Variants in MYH8 observed in about 807,000 individuals in gnomAD.
MYH8 encodes the protein myosin-8.
In MYH8, 168 loss-of-function variants were observed where a neutral mutation model predicts 233.2. That is an observed-to-expected ratio of 0.72 (90% CI 0.64 to 0.82). MYH8 has a LOEUF of 0.82. MYH8 is among the 40% of genes least tolerant of loss of function. MYH8 has a pLI of 0.00. For synonymous variants in MYH8, 785 were observed against 850.6 expected, an observed-to-expected ratio of 0.92 and a Z score of 1.34; for missense variants, 1,995 against 2,327.8, an observed-to-expected ratio of 0.86 and a Z score of 2.94.
intron 22 of MYH8, among the ~76,000 whole-genome samples, chr17:10,404,110 G>A (rs1241933574): frequency 2.0e-5 from 3 of 152,130 alleles, no homozygotes; most frequent in Admixed American, 1.3e-4. Context: ...GTTAAATTTT[G>A]TGATATTATT....
rs576569909 is a variant in MYH8, at chr17:10,413,789, T to C, written c.1147+113A>G. On this transcript the variant is annotated intron_variant, in intron 12 of 39. Coordinates refer to ENST00000403437, the MANE Select transcript of MYH8 (RefSeq NM_002472.3). Reference sequence around the variant, plus strand: ...AAAGCATGCAGTGTGTGTAAATGTGTATATGCCCTTCACAAGTCGCAAGTC... The same window carrying C: ...AAAGCATGCAGTGTGTGTAAATGTGCATATGCCCTTCACAAGTCGCAAGTC... The C allele has an allele frequency of 8.9e-5, 129 of 1,448,304 alleles. No individual in the cohort carries two copies. The African/African-American group carries it at 1.7e-3, about 19-fold the overall frequency. 89.7% of individuals were successfully genotyped at this position (1,448,304 alleles called of 1,614,324 possible).
intron 39 of MYH8, among the ~76,000 whole-genome samples, chr17:10,391,158 A>C (rs1377412338): frequency 3.3e-5 from 5 of 152,246 alleles, no homozygotes; most frequent in African/African-American, 1.2e-4. Context: ...AGCTACAGCA[A>C]ATGTGGGGGC....
chr17:10,395,520 G>C (rs1448608170), intron 33 of MYH8, 79 bp from the exon 34 acceptor site: 1 of 1,391,694 alleles, frequency 7.2e-7, no homozygotes, highest in Non-Finnish European at 1.0e-6. Context: ...CCAAACTCTT[G>C]TCAATATCAG....
chr17:10,401,232 T>G, intron 24 of MYH8, 41 bp from the exon 25 acceptor site: 1 of 1,613,550 alleles, frequency 6.2e-7, no homozygotes, highest in Non-Finnish European at 8.5e-7. Context: ...AAAGTATATA[T>G]TTTTAAAAAA....
chr17:10,420,396 CAT>C lies in MYH8; in HGVS notation c.-30-141_-30-140del, dbSNP rs369023720. ...AAACTGGCACTCCCCAGTGTTCTAA[CAT>C]AGTCTAAAGGACAAGTATGGAGTGA... is the stretch of plus-strand genomic sequence containing the variant. On this transcript the variant is annotated intron_variant, in intron 2 of 39. Transcript: ENST00000403437. 1,226 of 778,210 alleles carry C rather than the reference CAT, an allele frequency of 1.6e-3. 36 individuals carry two copies. In the South Asian group the frequency reaches 0.019, roughly 12 times the overall value. The allele number at this position is 778,210 out of a possible 1,614,324, so 48.2% of individuals were successfully genotyped here.
Position 10,396,269 on chromosome 17 carries a change from A to G in MYH8, c.4653+61T>C. 6.3e-7 allele frequency: 1 copy of G among 1,590,906 alleles called. No homozygotes were observed. Among genetic ancestry groups the G allele is most frequent in the Non-Finnish European group, 8.6e-7 (1 of 1,164,800 alleles). On this transcript the variant is annotated intron_variant, in intron 33 of 39. Transcript: ENST00000403437. This position sits in a 1 kb window ranked among gnomAD's most constrained non-coding sequence, Gnocchi z 4.2. ...GTGAGTTTAAATTATCACTAGCCCC[A>G]CTTTTTTTTAACTGATGTTTGTCTT... is the stretch of plus-strand genomic sequence containing the variant.
rs749722107 is a variant in MYH8 at position 10,418,625 on chromosome 17, T to G, written c.511+20A>C. On this transcript the variant is annotated intron_variant, in intron 5 of 39. Transcript: ENST00000403437. Reference sequence around the variant, plus strand: ...GATTCTATTTACACATTTCTGTAAATAGATGCCTCACTCACTCACCAGTCA... The same window carrying G: ...GATTCTATTTACACATTTCTGTAAAGAGATGCCTCACTCACTCACCAGTCA... 2.5e-6 allele frequency: 4 copies of G among 1,613,590 alleles called. No individual in the cohort carries two copies. Among genetic ancestry groups the G allele is most frequent in the Middle Eastern group, 1.7e-4 (1 of 5,838 alleles).
chr17:10,391,776 G>A (rs1397332678), intron 39 of MYH8, 106 bp downstream of exon 39: 2 of 862,530 alleles, frequency 2.3e-6, no homozygotes, highest in Admixed American at 1.7e-5. Context: ...CTTAAAATGA[G>A]TGGTAGATTT....
At chr17:10,406,006 G>T in intron 21 of MYH8, 35 bp downstream of exon 21, 1 of 1,610,018 alleles carries the variant, frequency 6.2e-7, no homozygotes, top group Non-Finnish European at 8.5e-7. Flanking sequence ...GTCCTTAAGG[G>T]ACCTTATAAT....
Position 10,390,402 on chromosome 17 carries a change from T to C in MYH8, c.*52A>G, listed in dbSNP as rs946690522. The C allele has an allele frequency of 1.3e-5, 21 of 1,609,470 alleles. No homozygotes were observed. The highest frequency in any genetic ancestry group is 1.7e-5 in the Non-Finnish European group (20 of 1,177,492). On this transcript the variant is annotated 3_prime_UTR_variant, in exon 40 of 40. Transcript: ENST00000403437. Reference sequence around the variant, plus strand: ...ACGTCATAAAGCAAGTGACCAAAAATAGCACATTTTGTGCCTTTCTTCAGC... The same window carrying C: ...ACGTCATAAAGCAAGTGACCAAAAACAGCACATTTTGTGCCTTTCTTCAGC...
In MYH8 at chr17:10,394,236, G is replaced by A; in HGVS notation, c.5166+13C>T. The A allele has an allele frequency of 1.9e-6, 3 of 1,613,816 alleles. No individual in the cohort carries two copies. The highest frequency in any genetic ancestry group is 1.7e-4 in the Middle Eastern group (1 of 6,052). On this transcript the variant is annotated intron_variant, in intron 35 of 39. Coordinates refer to ENST00000403437, the MANE Select transcript of MYH8 (RefSeq NM_002472.3). Reference sequence around the variant, plus strand: ...ACCAGTACACCAGCATTTGTTTGATGTGAGGGTCTCACCTGGGTGTGGAGG... The same window carrying A: ...ACCAGTACACCAGCATTTGTTTGATATGAGGGTCTCACCTGGGTGTGGAGG...
In MYH8 at chr17:10,401,811, T is replaced by TA. The variant is rs201521268; in HGVS notation, c.2689-27dup. 619 of 1,614,066 alleles carry TA rather than the reference T, an allele frequency of 3.8e-4. 5 individuals are homozygous for TA. In the East Asian group the frequency reaches 0.012, roughly 30 times the overall value. On this transcript the variant is annotated intron_variant, in intron 22 of 39. Transcript: ENST00000403437. ...CTATGGAGAGATTCATTCAGATACT[T>TA]AGAGTCTGTTACTTATTTTGAAACT...
At chr17:10,392,044 A>T (rs2072030606) in intron 38 of MYH8, 67 bp from the exon 39 acceptor site, 4 of 1,368,546 alleles carry the variant, frequency 2.9e-6, no homozygotes, top group Non-Finnish European at 4.2e-6. Context: ...GTACTAAAAT[A>T]AAATCATTTG....
At chr17:10,408,235 G>T (rs181814271) in intron 17 of MYH8, among the ~76,000 whole-genome samples, 1 of 151,880 alleles carries the variant, frequency 6.6e-6, no homozygotes, top group South Asian at 2.1e-4. Context: ...CACTGCGCCC[G>T]GCCAAGAAGG....
Position 10,394,372 on chromosome 17 carries a change from G to T in MYH8, c.5043C>A (p.Ala1681=). ...CCTCGATCTCAGCCTGCAGCAGGTTGGCTCTGCGCTCCACAATTGCCAGCT... is the reference window on the plus strand; with the variant it reads ...CCTCGATCTCAGCCTGCAGCAGGTTTGCTCTGCGCTCCACAATTGCCAGCT... ...KEQLAIVERR[A]NLLQAEIEEL... is the part of the protein sequence containing the mutation. Residue 1681 remains alanine (A), a synonymous_variant, in exon 35 of 40, where the codon GCC becomes GCA. Transcript: ENST00000403437. 6.2e-7 allele frequency: 1 copy of T among 1,614,120 alleles called. No individual in the cohort carries two copies. Among genetic ancestry groups the T allele is most frequent in the South Asian group, 1.1e-5 (1 of 91,066 alleles).
Position 10,396,970 on chromosome 17 carries a change from G to A in MYH8, c.4195C>T (p.Arg1399Cys), listed in dbSNP as rs924415460. 5 of 1,614,202 alleles carry A rather than the reference G, an allele frequency of 3.1e-6. No individual in the cohort carries two copies. The highest frequency in any genetic ancestry group is 4.2e-6 in the Non-Finnish European group (5 of 1,180,044). ...LEEAKKKLAQ[R>C]LQEAEEHVEA... The stretch of plus-strand genomic sequence containing the variant: ...ACATGTTCCTCAGCTTCTTGCAGGC[G>A]CTGGGCCAACTTTTTCCTGAAAAGT... The change falls in exon 31 of 40, where the codon CGC becomes TGC. Residue 1399 changes from arginine to cysteine, a missense_variant. Around this residue, in one of 3 missense-constraint regions of MYH8, gnomAD observed 1,498 missense variants for 1,680.9 expected, o/e 0.89. Coordinates refer to ENST00000403437, the MANE Select transcript of MYH8 (RefSeq NM_002472.3). The surrounding 1 kb of genome is among the most constrained non-coding windows in gnomAD (Gnocchi z 4.2).
In MYH8 at chr17:10,409,153, T is replaced by G; in HGVS notation, c.1909A>C (p.Lys637Gln). ...GAGCCCTTTTTCTTAGCACCTTTCT[T>G]CGCGCTGCTATCTGAGGTAAAAAGA... ...YASAEADSSA[K>Q]KGAKKKGSSF... Residue 637 changes from lysine (K) to glutamine (Q), a missense_variant, in exon 17 of 40, where the codon AAG (lysine) becomes CAG (glutamine). Physicochemically the swap from Lys to Gln is moderately conservative, Grantham distance 53. This residue lies in a region of MYH8 where 1,498 missense variants were observed against 1,680.9 expected (regional missense o/e 0.89). Coordinates refer to ENST00000403437, the MANE Select transcript of MYH8 (RefSeq NM_002472.3). 1 of 1,614,206 alleles carries G rather than the reference T, an allele frequency of 6.2e-7. No homozygotes were observed.
At chr17:10,410,659 A>G in intron 15 of MYH8, 118 bp downstream of exon 15, 1 of 1,507,284 alleles carries the variant, frequency 6.6e-7, no homozygotes, top group Admixed American at 1.7e-5. Context: ...CTAAATAGTA[A>G]TTTTCCAGTT....
At chr17:10,395,957 A>G (rs569490485) in intron 33 of MYH8, among the ~76,000 whole-genome samples, 1 of 152,264 alleles carries the variant, frequency 6.6e-6, no homozygotes, top group South Asian at 2.1e-4. Context: ...ATATTTTTAC[A>G]TAATCAAAAT....
Sources: gnomAD v4.1 joint callset for allele counts (sites outside exome capture counted in the v4.1 genomes callset) on GRCh38, gnomAD v4.1.1 for gene constraint, gnomAD v4.1.1 regional missense constraint, Gnocchi (gnomAD v3.1) non-coding constraint, MANE v1.5 for transcripts, NCBI Gene and HGNC (gene_info 2026-07-23, HGNC 2026-07-21) for gene names.